ZDHHC11B: variants seen among roughly 807,000 people sequenced by gnomAD.
ZDHHC11B encodes the protein probable palmitoyltransferase ZDHHC11B.
Under a neutral mutation model 42.3 loss-of-function variants are expected in ZDHHC11B, and 17 were observed. The ratio of observed to expected loss-of-function variants is 0.40; its 90% CI spans 0.27 to 0.60. The LOEUF (loss-of-function observed/expected upper bound fraction) is 0.60. ZDHHC11B is among the 20% of genes least tolerant of loss of function. The probability of loss-of-function intolerance (pLI) is 0.41; values close to 1 mark genes in which losing one functional copy is unlikely to be tolerated. For synonymous variants in ZDHHC11B, 123 were observed against 193.5 expected (o/e 0.64, Z 3.02); for missense variants, 262 against 463.2 (o/e 0.57, Z 3.99).
intron 9 of ZDHHC11B, among the ~76,000 whole-genome samples, chr5:741,915 C>CACTAGCAAAGA (rs70955297): frequency 1.8e-5 from 1 of 56,228 alleles, no homozygotes; most frequent in Admixed American, 2.8e-4. Flanking sequence ...ATTTAACTCC[C>CACTAGCAAAGA]ACGCAGGAGA....
intron 11 of ZDHHC11B, among the ~76,000 whole-genome samples, chr5:733,253 C>G (rs1210675914): frequency 6.6e-6 from 1 of 150,840 alleles, no homozygotes; most frequent in Non-Finnish European, 1.5e-5. Context: ...CACACATAAC[C>G]ACACCCCCCC....
intron 12 of ZDHHC11B, among the ~76,000 whole-genome samples, chr5:724,526 C>G (rs1355354641): frequency 6.9e-6 from 1 of 145,532 alleles, no homozygotes; most frequent in African/African-American, 2.6e-5. Context: ...CAGGTGCCTG[C>G]CACTACGCCT....
rs60151897 is a variant in ZDHHC11B at position 738,968 on chromosome 5, C to T, written c.935+2626G>A. ...AATTTATCTTTATTTTAAATAAGTA[C>T]CTTCTGCACAGGAAAAGAAGTAATA... On this transcript the variant is annotated intron_variant, in intron 10 of 13. Transcript: ENST00000508859. 6.0e-5 allele frequency among the ~76,000 whole-genome samples: 9 copies of T among 150,744 alleles called. 1 individual carries two copies. The highest frequency in any genetic ancestry group is 1.2e-4 in the Non-Finnish European group (8 of 67,880).
chr5:757,384 G>A (rs556538857), intron 4 of ZDHHC11B, among the ~76,000 whole-genome samples: 6 of 152,062 alleles, frequency 3.9e-5, no homozygotes, highest in East Asian at 3.9e-4. Context: ...CCAGCAGGGC[G>A]GGTCCTGCAC....
At chr5:712,484 T>C (rs996176339) in intron 13 of ZDHHC11B, among the ~76,000 whole-genome samples, 2 of 135,418 alleles carry the variant, frequency 1.5e-5, no homozygotes, top group Non-Finnish European at 3.2e-5. Flanking sequence ...CGAGCCAGGC[T>C]CCTGCCCTCC....
At chr5:733,390 C>T (rs566163717) in intron 11 of ZDHHC11B, among the ~76,000 whole-genome samples, 1 of 151,912 alleles carries the variant, frequency 6.6e-6, no homozygotes, top group African/African-American at 2.4e-5. Flanking sequence ...GTGGCTTCTG[C>T]CATGGCTACC....
chr5:713,516 T>C (rs1242746856), intron 13 of ZDHHC11B, among the ~76,000 whole-genome samples: 2 of 152,086 alleles, frequency 1.3e-5, no homozygotes, highest in Non-Finnish European at 2.9e-5. Context: ...TTGTTTTTCA[T>C]TGAGAATTGC....
intron 1 of ZDHHC11B, among the ~76,000 whole-genome samples, chr5:772,020 G>A (rs1277425724): frequency 6.6e-6 from 1 of 151,978 alleles, no homozygotes; most frequent in African/African-American, 2.4e-5. Context: ...TGGCCTTGGA[G>A]GGCTGAGCGG....
intron 6 of ZDHHC11B, among the ~76,000 whole-genome samples, chr5:752,787 C>T: frequency 9.8e-6 from 1 of 101,686 alleles, no homozygotes; most frequent in East Asian, 4.2e-4. Context: ...CCCCTCCAGG[C>T]AGTGGACACG....
At chr5:763,726 G>A (rs1219427037) in intron 4 of ZDHHC11B, among the ~76,000 whole-genome samples, 13 of 151,854 alleles carry the variant, frequency 8.6e-5, no homozygotes, top group African/African-American at 2.7e-4. Context: ...GGATAAGAAC[G>A]AATACAGGAT....
rs547788122 is a variant in ZDHHC11B, at chr5:779,095, A to G, written c.-230+5573T>C. On this transcript the variant is annotated intron_variant, in intron 1 of 13. Coordinates refer to ENST00000508859, the MANE Select transcript of ZDHHC11B (RefSeq NM_001351303.2). ...TGAACATATCATTTCATAAATTACC[A>G]TGCCTGGTGCTGTTACAGCAACACA... is the stretch of plus-strand genomic sequence containing the variant. Among the ~76,000 whole-genome samples, 1,354 of 151,064 alleles carry G rather than the reference A, an allele frequency of 9.0e-3. 63 individuals carry two copies. The highest frequency in any genetic ancestry group is 0.031 in the African/African-American group (1,263 of 40,644).
At chr5:729,067 A>T (rs1427070009) in intron 12 of ZDHHC11B, among the ~76,000 whole-genome samples, 1 of 149,938 alleles carries the variant, frequency 6.7e-6, no homozygotes, top group Admixed American at 6.6e-5. Context: ...TGGGAGGATG[A>T]GGCCAGCTGG....
chr5:734,004 C>G (rs1271704025), intron 10 of ZDHHC11B, among the ~76,000 whole-genome samples, 165 bp from the exon 11 acceptor site: 1 of 146,566 alleles, frequency 6.8e-6, no homozygotes, highest in South Asian at 2.2e-4. Context: ...AGTACTCCTG[C>G]GTTATGTGCA....
At chr5:760,076 G>A (rs182676780) in intron 4 of ZDHHC11B, among the ~76,000 whole-genome samples, 1 of 151,916 alleles carries the variant, frequency 6.6e-6, no homozygotes, top group East Asian at 1.9e-4. Flanking sequence ...GGGGGGTACA[G>A]GGGAGCCACA....
chr5:712,928 G>GTATATA (rs70955292), intron 13 of ZDHHC11B, among the ~76,000 whole-genome samples: 3 of 142,546 alleles, frequency 2.1e-5, no homozygotes, highest in East Asian at 4.1e-4. Flanking sequence ...GTGTGTGTGT[G>GTATATA]TATATATATA....
At position 733,847 on chromosome 5, in the gene ZDHHC11B, G is replaced by A. The variant is rs1189356189; in HGVS notation, c.936-8C>T. 1 of 1,603,684 alleles carries A rather than the reference G, an allele frequency of 6.2e-7. No homozygotes were observed. Among genetic ancestry groups the A allele is most frequent in the Non-Finnish European group, 8.5e-7 (1 of 1,176,054 alleles). On this transcript the variant is annotated splice_polypyrimidine_tract_variant and splice_region_variant and intron_variant, in intron 10 of 13. Coordinates refer to ENST00000508859, the MANE Select transcript of ZDHHC11B (RefSeq NM_001351303.2). ...GAGCTCTTGGCCTTGACTCTGGTGG[G>A]ACAGGAAGGAGGAGAGAAACTCATC...
At chr5:713,458 T>C (rs114459050) in intron 13 of ZDHHC11B, among the ~76,000 whole-genome samples, 4,677 of 150,368 alleles carry the variant, frequency 0.031, 252 homozygotes, top group African/African-American at 0.1. Flanking sequence ...GTTTCTACTA[T>C]GTTTTCTGCT....
intron 10 of ZDHHC11B, among the ~76,000 whole-genome samples, chr5:739,015 G>A (rs1743847486): frequency 1.3e-5 from 2 of 150,704 alleles, no homozygotes; most frequent in African/African-American, 4.9e-5. Flanking sequence ...TAGAACCCAG[G>A]GATAGGAAGA....
At chr5:764,965 C>A (rs1229388354) in intron 4 of ZDHHC11B, among the ~76,000 whole-genome samples, 1 of 2,074 alleles carries the variant, frequency 4.8e-4, no homozygotes, top group Non-Finnish European at 1.2e-3. Context: ...CTTGGAGAAC[C>A]TTTATGTCTA....
Sources: allele counts gnomAD v4.1 joint callset (sites outside exome capture counted in the v4.1 genomes callset), GRCh38; gene constraint gnomAD v4.1.1; transcripts MANE v1.5; gene names NCBI Gene and HGNC (gene_info 2026-07-23, HGNC 2026-07-21).